The following BCAT1 variants were observed in gnomAD, a reference collection of about 807,000 sequenced individuals.
BCAT1 encodes branched-chain-amino-acid aminotransferase, cytosolic.
A neutral mutation model predicts 52.4 loss-of-function variants in BCAT1; 48 were observed. The observed-to-expected ratio is 0.92, with a 90% CI of 0.73 to 1.16. The LOEUF is 1.16. Ranked by LOEUF, BCAT1 falls within the 50% of genes most tolerant of loss-of-function variation. The probability of loss-of-function intolerance (pLI) is 0.00; values close to 1 mark genes in which losing one functional copy is unlikely to be tolerated. For synonymous variants in BCAT1, 167 were observed against 161.3 expected, an observed-to-expected ratio of 1.04 and a Z score of -0.27; for missense variants, 451 against 457.1, an observed-to-expected ratio of 0.99 and a Z score of 0.12.
chr12:24,911,370 A>G (rs756489864), intron 1 of BCAT1, among the ~76,000 whole-genome samples: 5 of 152,152 alleles, frequency 3.3e-5, no homozygotes, highest in Non-Finnish European at 7.3e-5. Context: ...AAGAGAATGA[A>G]TGCGCAGGGC....
Position 24,917,298 on chromosome 12 carries a change from C to A in BCAT1, c.7-15413G>T, listed in dbSNP as rs184325817. On this transcript the variant is annotated intron_variant, in intron 1 of 10. Coordinates refer to ENST00000261192, the MANE Select transcript of BCAT1 (RefSeq NM_005504.7). ...GCTTCGCGCCATTCTTCCGCCTCAGCCTGCCGGGTAGCTGGAACTACAGGC... is the reference window on the plus strand; with the variant it reads ...GCTTCGCGCCATTCTTCCGCCTCAGACTGCCGGGTAGCTGGAACTACAGGC... Among the ~76,000 whole-genome samples the A allele has an allele frequency of 2.0e-5, 3 of 151,542 alleles. No homozygotes were observed. In the East Asian group the frequency reaches 5.9e-4, roughly 30 times the overall value.
intron 5 of BCAT1, among the ~76,000 whole-genome samples, chr12:24,872,545 T>C (rs1942208655): frequency 6.6e-6 from 1 of 152,258 alleles, no homozygotes; most frequent in Admixed American, 6.5e-5. Context: ...AGCTTCTTTC[T>C]AGTTGAGCTC....
intron 5 of BCAT1, among the ~76,000 whole-genome samples, chr12:24,857,783 T>C (rs978536758): frequency 6.6e-6 from 1 of 152,222 alleles, no homozygotes; most frequent in Non-Finnish European, 1.5e-5. Context: ...CTAATGTTTT[T>C]TACTTGTAGG....
intron 1 of BCAT1, among the ~76,000 whole-genome samples, chr12:24,939,905 T>C (rs943802119): frequency 6.6e-6 from 1 of 152,204 alleles, no homozygotes; most frequent in Non-Finnish European, 1.5e-5. Flanking sequence ...TTCTTGATAA[T>C]GACTCTGGTG....
intron 1 of BCAT1, among the ~76,000 whole-genome samples, chr12:24,932,876 A>G (rs1027746852): frequency 1.3e-5 from 2 of 152,028 alleles, no homozygotes; most frequent in African/African-American, 4.8e-5. Context: ...CAGTGGCGCA[A>G]CCTCGGCTCA....
chr12:24,824,982 T>C (rs76949493), intron 10 of BCAT1, among the ~76,000 whole-genome samples: 8,105 of 152,198 alleles, frequency 0.053, 707 homozygotes, highest in African/African-American at 0.18. Context: ...TTTTAGCACC[T>C]GCATGAGAAC....
intron 2 of BCAT1, among the ~76,000 whole-genome samples, chr12:24,898,482 AGCACCTGAAAACTGTTTCAGCC>A (rs1943010797): frequency 6.7e-6 from 1 of 148,794 alleles, no homozygotes; most frequent in Non-Finnish European, 1.5e-5. Context: ...ATTTGTTGAA[AGCACCTGAAAACTGTTTCAGCC>A]AGGGTTCAGT....
intron 1 of BCAT1, among the ~76,000 whole-genome samples, 165 bp downstream of exon 1, chr12:24,948,762 C>G (rs774736673): frequency 9.2e-5 from 14 of 152,198 alleles, no homozygotes; most frequent in Admixed American, 2.6e-4. Context: ...GCACGGTCCC[C>G]GCAAACTACG....
intron 3 of BCAT1, among the ~76,000 whole-genome samples, chr12:24,882,666 T>G (rs117586326): frequency 0.015 from 2,277 of 151,858 alleles, 29 homozygotes; most frequent in South Asian, 0.028. Flanking sequence ...TGGCAAGATC[T>G]TGGCTCACTG....
rs79078526 is a variant in BCAT1 at position 24,863,293 on chromosome 12, G to C, written c.511-13344C>G. ...ATTAGATAATATGTAGAGAGCGCCA[G>C]GGCTCGATATTTTTAAGCACGCAAA... On this transcript the variant is annotated intron_variant, in intron 5 of 10. Transcript: ENST00000261192. 6.6e-3 allele frequency among the ~76,000 whole-genome samples: 1,006 copies of C among 152,332 alleles called. 8 individuals carry two copies. The highest frequency in any genetic ancestry group is 0.023 in the African/African-American group (974 of 41,572).
intron 1 of BCAT1, among the ~76,000 whole-genome samples, chr12:24,916,675 G>A (rs904423734): frequency 1.4e-4 from 21 of 152,074 alleles, no homozygotes; most frequent in African/African-American, 4.8e-4. Context: ...CGAGTAGCTG[G>A]GATTACAGGC....
chr12:24,910,337 G>A (rs759181556), intron 1 of BCAT1, among the ~76,000 whole-genome samples: 37 of 151,670 alleles, frequency 2.4e-4, no homozygotes, highest in Non-Finnish European at 4.7e-4. Context: ...AGATCATGCC[G>A]CTGCACTCCA....
intron 1 of BCAT1, 129 bp from the exon 2 acceptor site, chr12:24,902,014 C>A: frequency 6.3e-7 from 1 of 1,582,892 alleles, no homozygotes; most frequent in Admixed American, 1.8e-5. Flanking sequence ...AAAAAGGAGG[C>A]TCAGACAACC....
chr12:24,853,162 G>C (rs529322498), intron 5 of BCAT1, among the ~76,000 whole-genome samples: 3 of 152,228 alleles, frequency 2.0e-5, no homozygotes, highest in Admixed American at 1.3e-4. Context: ...GTTTATCACA[G>C]CCCTGTCCAC....
At chr12:24,869,169 A>T (rs551795325) in intron 5 of BCAT1, among the ~76,000 whole-genome samples, 21 of 152,218 alleles carry the variant, frequency 1.4e-4, no homozygotes, top group Non-Finnish European at 2.8e-4. Flanking sequence ...GAAATGAAGC[A>T]AATACATACA....
At chr12:24,837,130 G>A (rs768862408) in intron 7 of BCAT1, among the ~76,000 whole-genome samples, 16 of 58,762 alleles carry the variant, frequency 2.7e-4, no homozygotes, top group Non-Finnish European at 4.8e-4. Flanking sequence ...GGGAGGAAGG[G>A]GGGAGGGAAG....
At chr12:24,818,333 T>C (rs185963506) in intron 10 of BCAT1, among the ~76,000 whole-genome samples, 1 of 152,314 alleles carries the variant, frequency 6.6e-6, no homozygotes, top group East Asian at 1.9e-4. Context: ...CTCAAATTCA[T>C]AGCTGGTATA....
rs931603803 is a variant in BCAT1 at position 24,907,560 on chromosome 12, C to A, written c.7-5675G>T. 3.9e-5 allele frequency among the ~76,000 whole-genome samples: 6 copies of A among 152,088 alleles called. No homozygotes were observed. In the South Asian group the frequency reaches 6.2e-4, roughly 16 times the overall value. ...TGATTTGTTCCTGCCCCACCCTAAC[C>A]GATCAATTGACTTTGTGACAATACA... On this transcript the variant is annotated intron_variant, in intron 1 of 10. Transcript: ENST00000261192.
At chr12:24,841,924 A>AT (rs1197159449) in intron 7 of BCAT1, among the ~76,000 whole-genome samples, 158 bp downstream of exon 7, 1 of 152,196 alleles carries the variant, frequency 6.6e-6, no homozygotes, top group Non-Finnish European at 1.5e-5. Context: ...AAGAAAAAAA[A>AT]GAAACTTGTG....
Sources: gnomAD v4.1 joint callset for allele counts (sites outside exome capture counted in the v4.1 genomes callset) on GRCh38, gnomAD v4.1.1 for gene constraint, MANE v1.5 for transcripts, NCBI Gene and HGNC (gene_info 2026-07-23, HGNC 2026-07-21) for gene names.